Variants in DISP2 observed in about 807,000 individuals in gnomAD.
DISP2 encodes the protein protein dispatched homolog 2.
Under a neutral mutation model 95.5 loss-of-function variants are expected in DISP2, and 59 were observed. The ratio of observed to expected loss-of-function variants is 0.62; its 90% CI spans 0.50 to 0.77. The LOEUF (loss-of-function observed/expected upper bound fraction) is 0.77. Among genes scored for constraint, DISP2 ranks in the 30% least tolerant of loss-of-function variants. The pLI is 0.00. For missense variants in DISP2, 1,752 were observed against 1,854.6 expected (o/e 0.94, Z 1.02); for synonymous variants, 827 against 815.0 (o/e 1.01, Z -0.25).
intron 5 of DISP2, 40 bp from the exon 6 acceptor site, chr15:40,365,107 A>G: frequency 1.9e-6 from 3 of 1,605,710 alleles, no homozygotes; most frequent in African/African-American, 2.7e-5. Flanking sequence ...GAGTCTTCCA[A>G]CCCTAATGGT....
intron 6 of DISP2, 125 bp downstream of exon 6, chr15:40,365,399 C>A: frequency 6.8e-7 from 1 of 1,474,064 alleles, no homozygotes; most frequent in Non-Finnish European, 9.1e-7. Flanking sequence ...CACAGTCAAG[C>A]CAAGGAAGCC....
Position 40,368,325 on chromosome 15 carries a change from A to T in DISP2, c.2213A>T (p.Gln738Leu), listed in dbSNP as rs199756237. 2.5e-6 allele frequency: 4 copies of T among 1,603,460 alleles called. No individual in the cohort carries two copies. The African/African-American group carries it at 5.4e-5, about 21-fold the overall frequency. The change falls in exon 8 of 8, where the codon CAG becomes CTG. Residue 738 changes from glutamine (Q) to leucine (L), a missense_variant. This residue lies in a region of DISP2 where 732 missense variants were observed against 714.6 expected (regional missense o/e 1.02). Coordinates refer to ENST00000267889, the MANE Select transcript of DISP2 (RefSeq NM_033510.3). ...CCCACGCTGCCGCCGCCCGGCGGCC[A>T]GGTCTTCCGGCCCAGCCACCCCTTC... is the stretch of plus-strand genomic sequence containing the variant. ...RLPTLPPPGG[Q>L]VFRPSHPFER...
At chr15:40,365,791 G>A in intron 7 of DISP2, 66 bp downstream of exon 7, 1 of 1,515,592 alleles carries the variant, frequency 6.6e-7, no homozygotes, top group Admixed American at 1.7e-5. Flanking sequence ...CTGATCCCAA[G>A]GAAATACAGC....
chr15:40,361,534 G>T (rs1889405852), intron 1 of DISP2, among the ~76,000 whole-genome samples: 1 of 152,214 alleles, frequency 6.6e-6, no homozygotes, highest in African/African-American at 2.4e-5. Context: ...CAAGAATTGT[G>T]TGTCTTTCCC....
chr15:40,363,093 G>A (rs1338376879), intron 1 of DISP2, among the ~76,000 whole-genome samples: 12 of 151,982 alleles, frequency 7.9e-5, no homozygotes, highest in African/African-American at 2.7e-4. Flanking sequence ...CACGAGGTGA[G>A]GAGATCAAGA....
chr15:40,365,504 A>G, intron 6 of DISP2, 124 bp from the exon 7 acceptor site: 1 of 1,311,746 alleles, frequency 7.6e-7, no homozygotes, highest in Non-Finnish European at 1.1e-6. Context: ...CAGGCAGTCC[A>G]TGCACAGGCT....
intron 1 of DISP2, 28 bp downstream of exon 1, chr15:40,358,468 A>AG: frequency 8.0e-7 from 1 of 1,251,380 alleles, no homozygotes; most frequent in Non-Finnish European, 1.0e-6. Flanking sequence ...GCAGATCCGT[A>AG]TCACAGACCC....
At position 40,361,110 on chromosome 15, in the gene DISP2, C is replaced by T. The variant is rs141676658; in HGVS notation, c.120-2515C>T. Among the ~76,000 whole-genome samples the T allele has an allele frequency of 5.7e-4, 87 of 152,328 alleles. 2 individuals are homozygous for T. In the East Asian group the frequency reaches 0.014, roughly 25 times the overall value. On this transcript the variant is annotated intron_variant, in intron 1 of 7. Transcript: ENST00000267889. ...TACGTTATTAACTTTATGGAGTCAT[C>T]TGAGGTCTTGCTTTAGAACAACTTT... is the stretch of plus-strand genomic sequence containing the variant.
chr15:40,376,641 A>T lies in DISP2; in HGVS notation c.*6323A>T, dbSNP rs1889735199. 6.6e-6 allele frequency: 1 copy of T among 151,800 alleles called. No individual in the cohort carries two copies. Among genetic ancestry groups the T allele is most frequent in the African/African-American group, 2.4e-5 (1 of 41,318 alleles). The allele number at this position is 151,800 out of a possible 1,614,324, so 9.4% of individuals were successfully genotyped here. On this transcript the variant is annotated 3_prime_UTR_variant, in exon 8 of 8. Coordinates refer to ENST00000267889, the MANE Select transcript of DISP2 (RefSeq NM_033510.3). ...TCTCAAAATAAATAAATAAATAATA[A>T]AATAAAAATAAAAATTAGCTGGGCA...
In DISP2 at chr15:40,367,871, C is replaced by T. The variant is rs1381317090; in HGVS notation, c.1759C>T (p.His587Tyr). 1.3e-6 allele frequency: 2 copies of T among 1,599,688 alleles called. No homozygotes were observed. The highest frequency in any genetic ancestry group is 2.7e-5 in the African/African-American group (2 of 74,926). ...GGCGCAGCGCGTGGGCCGCACCATGCACCACTTCGGCTACCTGCTGCTGGT... is the reference window on the plus strand; with the variant it reads ...GGCGCAGCGCGTGGGCCGCACCATGTACCACTTCGGCTACCTGCTGCTGGT... ...GLAQRVGRTM[H>Y]HFGYLLLVSG... The change falls in exon 8 of 8, where the codon CAC becomes TAC. Residue 587 changes from histidine (H) to tyrosine (Y), a missense_variant. His to Tyr is a moderately conservative substitution (Grantham distance 83). Around this residue, in one of 5 missense-constraint regions of DISP2, gnomAD observed 732 missense variants for 714.6 expected, o/e 1.02. Transcript: ENST00000267889.
At position 40,375,161 on chromosome 15, in the gene DISP2, T is replaced by C. The variant is rs1889713807; in HGVS notation, c.*4843T>C. ...AATATGAGAAACAAAAGAAAGCCAC[T>C]ATGTGCTATGTAAATGTCTGGCCAT... On this transcript the variant is annotated 3_prime_UTR_variant, in exon 8 of 8. Transcript: ENST00000267889. The C allele has an allele frequency of 6.6e-6, 1 of 152,360 alleles. No homozygotes were observed. The highest frequency in any genetic ancestry group is 1.9e-4 in the East Asian group (1 of 5,188). 9.4% of individuals were successfully genotyped at this position (152,360 alleles called of 1,614,324 possible).
Position 40,368,426 on chromosome 15 carries a change from G to T in DISP2, c.2314G>T (p.Val772Leu). Residue 772 changes from valine (V) to leucine (L), a missense_variant, in exon 8 of 8, where the codon GTG becomes TTG. Val to Leu is a conservative substitution (Grantham distance 32). This residue lies in a region of DISP2 where 732 missense variants were observed against 714.6 expected (regional missense o/e 1.02). Transcript: ENST00000267889. ...GCAGGGCGAGGGCGGCCACATGCCC[G>T]TGGTTTTGGTGTGGGGCGTCCTGCC... ...LPQGEGGHMP[V>L]VLVWGVLPVD... The T allele has an allele frequency of 1.2e-6, 2 of 1,609,432 alleles. No individual in the cohort carries two copies.
rs1283679892 is a variant in DISP2, at chr15:40,372,032, G to A, written c.*1714G>A. ...GCGTCTCAGACTGGAAGGGGCCTTG[G>A]CGATCGTTTATTCCAGCAGTTTTCA... On this transcript the variant is annotated 3_prime_UTR_variant, in exon 8 of 8. Transcript: ENST00000267889. The A allele has an allele frequency of 6.6e-6, 1 of 152,194 alleles. No homozygotes were observed. Among genetic ancestry groups the A allele is most frequent in the Non-Finnish European group, 1.5e-5 (1 of 68,032 alleles). The allele number at this position is 152,194 out of a possible 1,614,324, so 9.4% of individuals were successfully genotyped here.
chr15:40,369,470 T>A lies in DISP2; in HGVS notation c.3358T>A (p.Cys1120Ser). 1.2e-6 allele frequency: 2 copies of A among 1,613,302 alleles called. No homozygotes were observed. The change falls in exon 8 of 8, where the codon TGT becomes AGT. Residue 1120 changes from cysteine (C) to serine (S), a missense_variant. Cys to Ser is a moderately radical substitution (Grantham distance 112). This residue lies in a region of DISP2 where 317 missense variants were observed against 394.9 expected (regional missense o/e 0.80). Coordinates refer to ENST00000267889, the MANE Select transcript of DISP2 (RefSeq NM_033510.3). ...CTGTTTCTTCGGGCCAGAGAAGAAC[T>A]GTGGGCAGATCCTCTGGCCCTGTGC... ...LCCFFGPEKN[C>S]GQILWPCAHL...
Position 40,368,108 on chromosome 15 carries a change from C to T in DISP2, c.1996C>T (p.Arg666Trp). The T allele has an allele frequency of 4.4e-6, 6 of 1,356,808 alleles. No homozygotes were observed. Among genetic ancestry groups the T allele is most frequent in the East Asian group, 3.0e-5 (1 of 32,920 alleles). The allele number at this position is 1,356,808 out of a possible 1,614,324, so 84.0% of individuals were successfully genotyped here. A position where few individuals can be genotyped will look rare whatever the true frequency, so the allele number is the denominator to read the frequency against. Residue 666 changes from arginine to tryptophan, a missense_variant, in exon 8 of 8, where the codon CGG (arginine) becomes TGG (tryptophan). By Grantham distance (101) the Arg-to-Trp change is moderately radical. This residue lies in a region of DISP2 where 732 missense variants were observed against 714.6 expected (regional missense o/e 1.02). Transcript: ENST00000267889. ...GGGCCGGTGGGAGGGCAGCGCGCCC[C>T]GGCGGCTACTGCTGGCGCTGCACCG... ...ARGRWEGSAP[R>W]RLLLALHRRL...
At chr15:40,366,326 C>A (rs191056387) in intron 7 of DISP2, among the ~76,000 whole-genome samples, 1 of 152,188 alleles carries the variant, frequency 6.6e-6, no homozygotes, top group Non-Finnish European at 1.5e-5. Flanking sequence ...GCTTCATAAG[C>A]GCTAAATGGG....
Position 40,363,596 on chromosome 15 carries a change from C to T in DISP2, c.120-29C>T, listed in dbSNP as rs745667583. On this transcript the variant is annotated intron_variant, in intron 1 of 7. Coordinates refer to ENST00000267889, the MANE Select transcript of DISP2 (RefSeq NM_033510.3). ...GGGTGGCCCACCACCATCCCCCACCCCAATCTTCCTTGTCTCCTCTCTTCC... is the reference window on the plus strand; with the variant it reads ...GGGTGGCCCACCACCATCCCCCACCTCAATCTTCCTTGTCTCCTCTCTTCC... The T allele has an allele frequency of 9.4e-6, 14 of 1,486,528 alleles. 1 individual carries two copies. The Admixed American group carries it at 3.1e-4, about 33-fold the overall frequency. The allele number at this position is 1,486,528 out of a possible 1,614,324, so 92.1% of individuals were successfully genotyped here.
In DISP2 at chr15:40,375,091, A is replaced by G. The variant is rs1889712798; in HGVS notation, c.*4773A>G. 1 of 152,236 alleles carries G rather than the reference A, an allele frequency of 6.6e-6. No individual in the cohort carries two copies. The highest frequency in any genetic ancestry group is 1.5e-5 in the Non-Finnish European group (1 of 68,036). 9.4% of individuals were successfully genotyped at this position (152,236 alleles called of 1,614,324 possible). The stretch of plus-strand genomic sequence containing the variant: ...AGGGATGACTGTAACTAAGGTCTGC[A>G]GGTATTTATGCTTAGGAGAAGAAAT... On this transcript the variant is annotated 3_prime_UTR_variant, in exon 8 of 8. Coordinates refer to ENST00000267889, the MANE Select transcript of DISP2 (RefSeq NM_033510.3).
At chr15:40,359,417 C>G (rs1371289017) in intron 1 of DISP2, among the ~76,000 whole-genome samples, 1 of 152,194 alleles carries the variant, frequency 6.6e-6, no homozygotes. Flanking sequence ...AACACATTAG[C>G]CTGGATAGAT....
Sources: allele counts gnomAD v4.1 joint callset (sites outside exome capture counted in the v4.1 genomes callset), GRCh38; gene constraint gnomAD v4.1.1; regional missense constraint gnomAD v4.1.1; transcripts MANE v1.5; gene names NCBI Gene and HGNC (gene_info 2026-07-23, HGNC 2026-07-21).